Variants in TLL2 observed in about 807,000 individuals in gnomAD.
The protein encoded by TLL2 is tolloid like 2, also known as tolloid-like protein 2.
A neutral mutation model predicts 123.0 loss-of-function variants in TLL2; 106 were observed. That is an observed-to-expected ratio of 0.86 (90% CI 0.74 to 1.01). TLL2 has a LOEUF of 1.01. Among genes scored for constraint, TLL2 ranks in the 50% least tolerant of loss-of-function variants. The pLI is 0.00. For synonymous variants in TLL2, 494 were observed against 516.8 expected, an observed-to-expected ratio of 0.96 and a Z score of 0.60; for missense variants, 1,332 against 1,336.7, an observed-to-expected ratio of 1.00 and a Z score of 0.06.
At chr10:96,411,253 G>T (rs1459533317) in intron 8 of TLL2, among the ~76,000 whole-genome samples, 1 of 80,446 alleles carries the variant, frequency 1.2e-5, no homozygotes, top group Admixed American at 1.7e-4. Context: ...GTGAGACTCT[G>T]TCTCAAAAAA....
chr10:96,492,219 G>A (rs1847421376), intron 1 of TLL2, among the ~76,000 whole-genome samples: 1 of 150,122 alleles, frequency 6.7e-6, no homozygotes, highest in Admixed American at 6.6e-5. Flanking sequence ...CTATAGAAGG[G>A]AGAGGAAAAA....
At chr10:96,371,764 C>T (rs1846087209) in intron 19 of TLL2, among the ~76,000 whole-genome samples, 1 of 152,210 alleles carries the variant, frequency 6.6e-6, no homozygotes, top group South Asian at 2.1e-4. Flanking sequence ...TGACCCCGTG[C>T]CTTCTGCTGC....
At chr10:96,412,089 T>A (rs1846512930) in intron 8 of TLL2, among the ~76,000 whole-genome samples, 2 of 152,234 alleles carry the variant, frequency 1.3e-5, no homozygotes, top group Non-Finnish European at 2.9e-5. Flanking sequence ...TCCCAGGGTA[T>A]GCTATAAGGT....
intron 1 of TLL2, among the ~76,000 whole-genome samples, chr10:96,512,730 G>C (rs1847643362): frequency 6.6e-6 from 1 of 152,246 alleles, no homozygotes; most frequent in Non-Finnish European, 1.5e-5. Flanking sequence ...ACATGCGCTT[G>C]GCCCTTCGGA....
At chr10:96,394,927 G>A (rs960423571) in intron 13 of TLL2, among the ~76,000 whole-genome samples, 49 of 152,340 alleles carry the variant, frequency 3.2e-4, no homozygotes, top group African/African-American at 1.2e-3. Flanking sequence ...TCACTACCGT[G>A]TAGTTTGCCC....
intron 1 of TLL2, among the ~76,000 whole-genome samples, chr10:96,486,155 T>C (rs911001890): frequency 6.6e-6 from 1 of 152,210 alleles, no homozygotes; most frequent in Non-Finnish European, 1.5e-5. Flanking sequence ...AATACTTATT[T>C]TGCTCATGAA....
rs181329434 is a variant in TLL2 at position 96,413,447 on chromosome 10, C to G, written c.924-131G>C. On this transcript the variant is annotated intron_variant, in intron 7 of 20. Coordinates refer to ENST00000357947, the MANE Select transcript of TLL2 (RefSeq NM_012465.4). Reference sequence around the variant, plus strand: ...TGCCCCCTGGCCAGCCTCTCCCAGGCTGGCATGACTGAAGAGGTTTCCTTC... The same window carrying G: ...TGCCCCCTGGCCAGCCTCTCCCAGGGTGGCATGACTGAAGAGGTTTCCTTC... The G allele has an allele frequency of 3.4e-5, 39 of 1,149,356 alleles. No individual in the cohort carries two copies. The Admixed American group carries it at 7.5e-4, about 22-fold the overall frequency. The allele number at this position is 1,149,356 out of a possible 1,614,324, so 71.2% of individuals were successfully genotyped here. A position where few individuals can be genotyped will look rare whatever the true frequency, so the allele number is the denominator to read the frequency against.
intron 2 of TLL2, among the ~76,000 whole-genome samples, chr10:96,478,586 T>A (rs893514311): frequency 6.6e-6 from 1 of 152,194 alleles, no homozygotes; most frequent in African/African-American, 2.4e-5. Context: ...ACTGCCCACA[T>A]GTCTGTCAAC....
intron 18 of TLL2, 76 bp downstream of exon 18, chr10:96,376,616 G>A (rs1191776453): frequency 1.3e-5 from 19 of 1,512,102 alleles, no homozygotes; most frequent in Admixed American, 5.6e-5. Flanking sequence ...GCTGGGAAGT[G>A]GCAGAGCAGA....
At position 96,366,790 on chromosome 10, in the gene TLL2, C is replaced by T. The variant is rs972836878; in HGVS notation, c.*1298G>A. Reference sequence around the variant, plus strand: ...TGTAAACATTATTTAAAAATTATTCCAACATAAATACTCTTTTAAAGCTAA... The same window carrying T: ...TGTAAACATTATTTAAAAATTATTCTAACATAAATACTCTTTTAAAGCTAA... On this transcript the variant is annotated 3_prime_UTR_variant, in exon 21 of 21. Transcript: ENST00000357947. 1 of 152,594 alleles carries T rather than the reference C, an allele frequency of 6.6e-6. No individual in the cohort carries two copies. The highest frequency in any genetic ancestry group is 2.4e-5 in the African/African-American group (1 of 41,448). The allele number at this position is 152,594 out of a possible 1,614,324, so 9.5% of individuals were successfully genotyped here.
intron 2 of TLL2, among the ~76,000 whole-genome samples, chr10:96,462,370 T>C (rs1847088894): frequency 6.6e-6 from 1 of 152,224 alleles, no homozygotes; most frequent in African/African-American, 2.4e-5. Flanking sequence ...TAAGACACTG[T>C]CAATTCTCAT....
intron 3 of TLL2, among the ~76,000 whole-genome samples, chr10:96,441,417 CT>C (rs1846849541): frequency 6.6e-6 from 1 of 152,188 alleles, no homozygotes. Flanking sequence ...AACTGGGGAG[CT>C]TTTAAAAAAT....
In TLL2 at chr10:96,386,988, C is replaced by T. The variant is rs750304509; in HGVS notation, c.1817G>A (p.Gly606Asp). ...LGSYKCACDP[G>D]YELAADKKMC... ...CTTCTTATCGGCGGCCAGCTCGTAGCCAGGGTCACAGGCACACTTGTAGCT... is the reference window on the plus strand; with the variant it reads ...CTTCTTATCGGCGGCCAGCTCGTAGTCAGGGTCACAGGCACACTTGTAGCT... The change falls in exon 14 of 21, where the codon GGC (glycine) becomes GAC (aspartate). Residue 606 changes from glycine (G) to aspartate (D), a missense_variant. Gly to Asp is a moderately conservative substitution (Grantham distance 94, BLOSUM62 -1). Transcript: ENST00000357947. The T allele has an allele frequency of 9.9e-6, 16 of 1,614,028 alleles. No homozygotes were observed. In the East Asian group the frequency reaches 3.1e-4, roughly 31 times the overall value.
intron 10 of TLL2, among the ~76,000 whole-genome samples, chr10:96,401,244 GCA>G (rs1846390458): frequency 6.6e-6 from 1 of 152,180 alleles, no homozygotes; most frequent in Admixed American, 6.5e-5. Context: ...AAAATGCGAT[GCA>G]CAGTTTTCAG....
chr10:96,456,189 T>G (rs1253166536), intron 2 of TLL2, among the ~76,000 whole-genome samples: 1 of 152,192 alleles, frequency 6.6e-6, no homozygotes, highest in Non-Finnish European at 1.5e-5. Flanking sequence ...AGGCTAGGTA[T>G]TCCAGCCTCA....
intron 2 of TLL2, among the ~76,000 whole-genome samples, chr10:96,476,877 C>CACACACACACAG (rs1554939739): frequency 0.033 from 4,999 of 149,728 alleles, 106 homozygotes; most frequent in African/African-American, 0.048. Context: ...CACACACACA[C>CACACACACACAG]ACACACACAC....
chr10:96,390,780 C>T (rs538486061), intron 13 of TLL2, among the ~76,000 whole-genome samples: 4 of 152,298 alleles, frequency 2.6e-5, no homozygotes, highest in South Asian at 4.1e-4. Flanking sequence ...TCCTGACCTG[C>T]GCTGTCTGAT....
intron 16 of TLL2, among the ~76,000 whole-genome samples, chr10:96,381,262 G>A (rs1018588565): frequency 1.3e-5 from 2 of 152,180 alleles, no homozygotes; most frequent in African/African-American, 4.8e-5. Flanking sequence ...GGCATGGCTT[G>A]GTCAGATGAC....
intron 9 of TLL2, among the ~76,000 whole-genome samples, chr10:96,407,019 T>C (rs1846458034): frequency 6.6e-6 from 1 of 151,980 alleles, no homozygotes; most frequent in African/African-American, 2.4e-5. Context: ...GGCCCCATTT[T>C]TTCTACACAC....
Sources: allele counts gnomAD v4.1 joint callset (sites outside exome capture counted in the v4.1 genomes callset), GRCh38; gene constraint gnomAD v4.1.1; transcripts MANE v1.5; gene names NCBI Gene and HGNC (gene_info 2026-07-23, HGNC 2026-07-21).